The following METTL15 variants were observed in gnomAD, a reference collection of about 807,000 sequenced individuals.
METTL15 encodes the protein methyltransferase 15, mitochondrial 12S rRNA N4-cytidine, also known as 12S rRNA N(4)-cytidine methyltransferase METTL15.
Under a neutral mutation model 38.3 loss-of-function variants are expected in METTL15, and 34 were observed. That is an observed-to-expected ratio of 0.89 (90% CI 0.68 to 1.18). The LOEUF is 1.18. METTL15 is among the 50% of genes most tolerant of loss of function. METTL15 has a pLI of 0.00. For synonymous variants in METTL15, 162 were observed against 170.9 expected, an observed-to-expected ratio of 0.95 and a Z score of 0.41; for missense variants, 438 against 498.4, an observed-to-expected ratio of 0.88 and a Z score of 1.15.
intron 5 of METTL15, among the ~76,000 whole-genome samples, chr11:28,415,843 A>T (rs1278431691): frequency 6.6e-6 from 1 of 152,186 alleles, no homozygotes; most frequent in Non-Finnish European, 1.5e-5. Context: ...TAGGTAGCTT[A>T]GGCAGAAAGG....
intron 4 of METTL15, among the ~76,000 whole-genome samples, chr11:28,255,399 A>G (rs1214912428): frequency 1.3e-5 from 2 of 152,172 alleles, no homozygotes; most frequent in Admixed American, 6.5e-5. Flanking sequence ...TCTGCAAACA[A>G]GGATAATTTG....
At chr11:28,391,780 G>A (rs999217922) in intron 5 of METTL15, among the ~76,000 whole-genome samples, 5 of 152,094 alleles carry the variant, frequency 3.3e-5, no homozygotes, top group Non-Finnish European at 7.4e-5. Context: ...AGCTGAAACT[G>A]GATCCCTTCC....
chr11:28,310,826 C>A (rs908110306), intron 6 of METTL15, among the ~76,000 whole-genome samples: 6 of 151,716 alleles, frequency 4.0e-5, no homozygotes, highest in African/African-American at 1.5e-4. Context: ...GGAAAAAAAT[C>A]TCTTTCCGTC....
At chr11:28,324,908 C>G (rs1409194931) in intron 6 of METTL15, among the ~76,000 whole-genome samples, 1 of 152,150 alleles carries the variant, frequency 6.6e-6, no homozygotes, top group South Asian at 2.1e-4. Context: ...CTTTCTTATA[C>G]TAGCTCTCTA....
intron 4 of METTL15, among the ~76,000 whole-genome samples, chr11:28,239,573 T>A (rs1854195607): frequency 6.6e-6 from 1 of 152,174 alleles, no homozygotes; most frequent in Non-Finnish European, 1.5e-5. Flanking sequence ...AAGTTATCCT[T>A]CTTAAAAGCA....
Position 28,241,948 on chromosome 11 carries a change from C to T in METTL15, c.407+30750C>T, listed in dbSNP as rs1047300755. Among the ~76,000 whole-genome samples the T allele has an allele frequency of 1.7e-4, 26 of 152,156 alleles. 1 individual carries two copies. The highest frequency in any genetic ancestry group is 6.3e-4 in the African/African-American group (26 of 41,440). ...TTTTATTCTAAGTGAAATGGGAAAT[C>T]ATTGCAGAGTTTTCAGTGAGTGACA... On this transcript the variant is annotated intron_variant, in intron 4 of 6. Coordinates refer to ENST00000407364, the MANE Select transcript of METTL15 (RefSeq NM_001113528.2).
chr11:28,364,378 C>T (rs1850167652), intron 5 of METTL15, among the ~76,000 whole-genome samples: 1 of 152,074 alleles, frequency 6.6e-6, no homozygotes, highest in Admixed American at 6.6e-5. Context: ...TTGTAGTTCT[C>T]CTTGTAGAGG....
At chr11:28,384,041 A>G (rs1421175958) in intron 5 of METTL15, among the ~76,000 whole-genome samples, 2 of 152,092 alleles carry the variant, frequency 1.3e-5, no homozygotes, top group Non-Finnish European at 2.9e-5. Flanking sequence ...GCTCCCACTT[A>G]TAAGTGAGAA....
intron 3 of METTL15, among the ~76,000 whole-genome samples, chr11:28,160,304 G>C (rs552861212): frequency 3.2e-4 from 48 of 151,722 alleles, no homozygotes; most frequent in African/African-American, 1.2e-3. Context: ...CGTTAGTTCT[G>C]TTCCTTTAGA....
intron 5 of METTL15, among the ~76,000 whole-genome samples, chr11:28,418,045 G>T (rs992639470): frequency 1.3e-5 from 2 of 152,090 alleles, no homozygotes; most frequent in African/African-American, 4.8e-5. Context: ...ACCTGTGGGG[G>T]ATCCGGTTTG....
chr11:28,505,235 A>G (rs1851618900), intron 6 of METTL15, among the ~76,000 whole-genome samples: 2 of 152,136 alleles, frequency 1.3e-5, no homozygotes, highest in Admixed American at 6.5e-5. Flanking sequence ...TTGAATGAAG[A>G]TCTATCACTT....
At chr11:28,298,375 T>G (rs1436679223) in intron 6 of METTL15, among the ~76,000 whole-genome samples, 1 of 152,098 alleles carries the variant, frequency 6.6e-6, no homozygotes, top group East Asian at 1.9e-4. Context: ...AATGAGGTGT[T>G]GGGGCTAGAG....
At chr11:28,268,844 T>C (rs1219768948) in intron 4 of METTL15, among the ~76,000 whole-genome samples, 2 of 152,176 alleles carry the variant, frequency 1.3e-5, no homozygotes, top group Non-Finnish European at 2.9e-5. Context: ...TGTCTTGGGG[T>C]ATGTAAATAT....
At chr11:28,274,796 T>C (rs575808275) in intron 4 of METTL15, among the ~76,000 whole-genome samples, 6 of 152,016 alleles carry the variant, frequency 3.9e-5, no homozygotes, top group Admixed American at 3.9e-4. Context: ...CAATGGATAC[T>C]AGGATAAGAG....
chr11:28,187,242 C>A (rs1851530949), intron 3 of METTL15, among the ~76,000 whole-genome samples: 1 of 151,220 alleles, frequency 6.6e-6, no homozygotes, highest in Non-Finnish European at 1.5e-5. Flanking sequence ...CTATGGCCTT[C>A]TCTGACCAAA....
chr11:28,177,852 G>A (rs756245349), intron 3 of METTL15, among the ~76,000 whole-genome samples: 112 of 152,020 alleles, frequency 7.4e-4, no homozygotes, highest in Non-Finnish European at 1.3e-3. Flanking sequence ...TAACTGAGTG[G>A]ATGGATAGAT....
Position 28,226,199 on chromosome 11 carries a change from G to T in METTL15, c.407+15001G>T, listed in dbSNP as rs1419219765. Among the ~76,000 whole-genome samples the T allele has an allele frequency of 1.3e-5, 2 of 151,930 alleles. 1 individual carries two copies. Among genetic ancestry groups the T allele is most frequent in the Non-Finnish European group, 2.9e-5 (2 of 67,874 alleles). On this transcript the variant is annotated intron_variant, in intron 4 of 6. Transcript: ENST00000407364. ...GTCTTGTGTCTCTGAGGCAGTGGGT[G>T]TGAGTGGAACATTCTTAACCTTTTT...
At chr11:28,373,521 G>A (rs1027704256) in intron 5 of METTL15, among the ~76,000 whole-genome samples, 2 of 152,038 alleles carry the variant, frequency 1.3e-5, no homozygotes, top group East Asian at 1.9e-4. Flanking sequence ...ATATTAGCCC[G>A]TTGTCAGATG....
At chr11:28,263,333 C>T (rs1855285342) in intron 4 of METTL15, among the ~76,000 whole-genome samples, 1 of 151,936 alleles carries the variant, frequency 6.6e-6, no homozygotes, top group African/African-American at 2.4e-5. Flanking sequence ...ATTGGCATAC[C>T]TTTTACCTTT....
Sources: allele counts gnomAD v4.1 joint callset (sites outside exome capture counted in the v4.1 genomes callset), GRCh38; gene constraint gnomAD v4.1.1; transcripts MANE v1.5; gene names NCBI Gene and HGNC (gene_info 2026-07-23, HGNC 2026-07-21).